Variants in SLC35F3 observed in about 807,000 individuals in gnomAD.
The protein encoded by SLC35F3 is solute carrier family 35 member F3.
In SLC35F3, 25 loss-of-function variants were observed where a neutral mutation model predicts 49.9. That is an observed-to-expected ratio of 0.50 (90% confidence interval 0.37 to 0.70). SLC35F3 has a LOEUF of 0.70. Ranked by LOEUF, SLC35F3 falls within the 30% of genes least tolerant of loss-of-function variation. The probability of loss-of-function intolerance (pLI) is 0.00; values close to 1 mark genes in which losing one functional copy is unlikely to be tolerated. For synonymous variants in SLC35F3, 275 were observed against 265.4 expected, an observed-to-expected ratio of 1.04 and a Z score of -0.35; for missense variants, 525 against 639.8, an observed-to-expected ratio of 0.82 and a Z score of 1.94.
intron 2 of SLC35F3, among the ~76,000 whole-genome samples, chr1:234,051,982 G>C (rs1664384699): frequency 1.3e-5 from 2 of 152,206 alleles, no homozygotes; most frequent in Non-Finnish European, 2.9e-5. Flanking sequence ...GCATCACAGG[G>C]ATGAAGCCAA....
chr1:234,200,677 C>A (rs776122276), intron 2 of SLC35F3, among the ~76,000 whole-genome samples: 1 of 152,108 alleles, frequency 6.6e-6, no homozygotes, highest in Non-Finnish European at 1.5e-5. Context: ...TTCAAAGACA[C>A]TATAATTTCC....
chr1:234,176,440 G>T lies in SLC35F3; in HGVS notation c.284-54977G>T, dbSNP rs568349941. Among the ~76,000 whole-genome samples, 21 of 152,276 alleles carry T rather than the reference G, an allele frequency of 1.4e-4. No homozygotes were observed. In the South Asian group the frequency reaches 4.4e-3, roughly 32 times the overall value. ...AAGGGACTCAGCTGCAGTAACTCAC[G>T]CTTGTTCCACTCACAGCACCTTGAG... On this transcript the variant is annotated intron_variant, in intron 2 of 7. Coordinates refer to ENST00000366618, the MANE Select transcript of SLC35F3 (RefSeq NM_173508.4).
chr1:234,032,384 A>G (rs1445186505), intron 2 of SLC35F3, among the ~76,000 whole-genome samples: 7 of 152,034 alleles, frequency 4.6e-5, no homozygotes, highest in Non-Finnish European at 7.4e-5. Flanking sequence ...AAAAAATTCA[A>G]TAGGTTTTTG....
intron 2 of SLC35F3, among the ~76,000 whole-genome samples, chr1:234,006,481 A>C (rs1035289710): frequency 6.6e-6 from 1 of 152,134 alleles, no homozygotes; most frequent in Non-Finnish European, 1.5e-5. Flanking sequence ...GGGGAAAAAA[A>C]TTCATAAACA....
chr1:233,966,393 C>T (rs1662906605), intron 2 of SLC35F3, among the ~76,000 whole-genome samples: 2 of 152,046 alleles, frequency 1.3e-5, no homozygotes, highest in South Asian at 4.2e-4. Flanking sequence ...GAGACACCCC[C>T]AGTGAGGCCC....
At chr1:234,131,680 A>G (rs1173731443) in intron 2 of SLC35F3, among the ~76,000 whole-genome samples, 3 of 152,182 alleles carry the variant, frequency 2.0e-5, no homozygotes, top group African/African-American at 7.2e-5. Context: ...TCGTAAACAA[A>G]CTAGAATCTG....
intron 2 of SLC35F3, among the ~76,000 whole-genome samples, chr1:234,230,643 C>T (rs1667352813): frequency 6.6e-6 from 1 of 152,192 alleles, no homozygotes; most frequent in Non-Finnish European, 1.5e-5. Context: ...GCGGGAACAA[C>T]ACTGCCGCAG....
At chr1:233,922,486 C>CTTT (rs35271789) in intron 2 of SLC35F3, among the ~76,000 whole-genome samples, 5 of 112,336 alleles carry the variant, frequency 4.5e-5, no homozygotes, top group Non-Finnish European at 7.3e-5. Flanking sequence ...TTTTGATGGC[C>CTTT]TTTTTTTTTT....
rs374462188 is a variant in SLC35F3, at chr1:234,206,529, C to G, written c.284-24888C>G. 9.2e-5 allele frequency among the ~76,000 whole-genome samples: 14 copies of G among 151,894 alleles called. No individual in the cohort carries two copies. The East Asian group carries it at 2.7e-3, about 29-fold the overall frequency. On this transcript the variant is annotated intron_variant, in intron 2 of 7. Coordinates refer to ENST00000366618, the MANE Select transcript of SLC35F3 (RefSeq NM_173508.4). Reference sequence around the variant, plus strand: ...GGGGCTATTTCCAGGGCTCACATTGCCTGCATCCAAAGACGTGCCCACCTT... The same window carrying G: ...GGGGCTATTTCCAGGGCTCACATTGGCTGCATCCAAAGACGTGCCCACCTT...
intron 2 of SLC35F3, among the ~76,000 whole-genome samples, chr1:233,961,809 C>T (rs1662809045): frequency 6.6e-6 from 1 of 152,200 alleles, no homozygotes; most frequent in Non-Finnish European, 1.5e-5. Context: ...AGCTCTCTAG[C>T]TCATTATAAT....
chr1:234,020,436 A>G (rs539023213), intron 2 of SLC35F3, among the ~76,000 whole-genome samples: 51 of 152,316 alleles, frequency 3.3e-4, no homozygotes, highest in Non-Finnish European at 6.0e-4. Context: ...TCTTCCTGAC[A>G]TTAAAAATCT....
Position 234,284,591 on chromosome 1 carries a change from C to T in SLC35F3, c.609-24510C>T, listed in dbSNP as rs144098004. 8.5e-3 allele frequency among the ~76,000 whole-genome samples: 1,290 copies of T among 152,316 alleles called. 12 individuals carry two copies. Among genetic ancestry groups the T allele is most frequent in the Non-Finnish European group, 0.013 (885 of 68,028 alleles). On this transcript the variant is annotated intron_variant, in intron 3 of 7. Coordinates refer to ENST00000366618, the MANE Select transcript of SLC35F3 (RefSeq NM_173508.4). The stretch of plus-strand genomic sequence containing the variant: ...ATGTTGGAAGACGTAAAAGAGAAAG[C>T]AAAGTGCCTTTGATTGTGATCGTGC...
intron 2 of SLC35F3, among the ~76,000 whole-genome samples, chr1:234,077,929 C>T (rs187858596): frequency 1.3e-5 from 2 of 152,282 alleles, no homozygotes; most frequent in African/African-American, 4.8e-5. Context: ...GAGGGTTGCT[C>T]CCCAGAGAAT....
chr1:234,066,862 A>T (rs1664629534), intron 2 of SLC35F3, among the ~76,000 whole-genome samples: 2 of 150,614 alleles, frequency 1.3e-5, no homozygotes, highest in Non-Finnish European at 3.0e-5. Context: ...ACACACACAC[A>T]CACACACACA....
intron 2 of SLC35F3, among the ~76,000 whole-genome samples, chr1:233,992,790 G>T (rs1387027712): frequency 6.6e-6 from 1 of 152,162 alleles, no homozygotes. Flanking sequence ...AGCAGGGACA[G>T]GGATTATTAC....
intron 2 of SLC35F3, among the ~76,000 whole-genome samples, chr1:233,956,976 T>C (rs1311095644): frequency 1.3e-5 from 2 of 152,004 alleles, no homozygotes; most frequent in African/African-American, 4.8e-5. Context: ...CATGCAGGAG[T>C]TAGCACATGG....
chr1:234,151,458 G>A (rs916065822), intron 2 of SLC35F3, among the ~76,000 whole-genome samples: 6 of 151,712 alleles, frequency 4.0e-5, no homozygotes, highest in African/African-American at 9.7e-5. Flanking sequence ...AAAGTGTGAC[G>A]GAAAAATGTG....
At chr1:233,944,974 G>A (rs965978677) in intron 2 of SLC35F3, among the ~76,000 whole-genome samples, 1 of 151,820 alleles carries the variant, frequency 6.6e-6, no homozygotes, top group Non-Finnish European at 1.5e-5. Flanking sequence ...GTGCATCCTA[G>A]GAGGTATTTT....
intron 3 of SLC35F3, among the ~76,000 whole-genome samples, chr1:234,290,798 A>G (rs1319291545): frequency 6.6e-6 from 1 of 152,220 alleles, no homozygotes; most frequent in Non-Finnish European, 1.5e-5. Context: ...TGGCCTTAGG[A>G]TGGAATGAAC....
Sources: gnomAD v4.1 joint callset for allele counts (sites outside exome capture counted in the v4.1 genomes callset) on GRCh38, gnomAD v4.1.1 for gene constraint, MANE v1.5 for transcripts, NCBI Gene and HGNC (gene_info 2026-07-23, HGNC 2026-07-21) for gene names.